ZNF560: variants seen among roughly 807,000 people sequenced by gnomAD.
ZNF560 encodes the protein zinc finger protein 560.
ZNF560 carries 54 observed loss-of-function variants against 81.8 expected under a neutral mutation model. The observed-to-expected ratio is 0.66, with a 90% CI of 0.53 to 0.83. ZNF560 has a LOEUF of 0.83. Among genes scored for constraint, ZNF560 ranks in the 40% least tolerant of loss-of-function variants. The pLI is 0.00. For missense variants in ZNF560, 940 were observed against 932.4 expected (o/e 1.01, Z -0.11); for synonymous variants, 321 against 317.9 (o/e 1.01, Z -0.10).
chr19:9,472,191 C>T (rs186547305), intron 5 of ZNF560, among the ~76,000 whole-genome samples: 18 of 151,950 alleles, frequency 1.2e-4, no homozygotes, highest in South Asian at 2.1e-4. Context: ...GGAAATGCAA[C>T]GCCAAATACT....
At chr19:9,477,909 A>G (rs575183744) in intron 2 of ZNF560, among the ~76,000 whole-genome samples, 1 of 152,348 alleles carries the variant, frequency 6.6e-6, no homozygotes, top group South Asian at 2.1e-4. Context: ...TTCAAGGGAC[A>G]TCATCAAAAG....
downstream of ZNF560, among the ~76,000 whole-genome samples, chr19:9,461,961 A>C (rs2072938882): frequency 2.0e-5 from 3 of 152,222 alleles, no homozygotes. Context: ...GCATAAAAAC[A>C]CTTGGAGGCT....
chr19:9,450,739 A>C, the ZNF560 span, among the ~76,000 whole-genome samples: 344 of 152,250 alleles, frequency 2.3e-3, no homozygotes, highest in African/African-American at 7.3e-3. Context: ...CATGTTGCCC[A>C]GGCTGGTCTT....
intron 2 of ZNF560, among the ~76,000 whole-genome samples, chr19:9,475,975 G>A (rs944364625): frequency 2.6e-5 from 4 of 152,146 alleles, no homozygotes; most frequent in Non-Finnish European, 4.4e-5. Context: ...TCACAAATGA[G>A]ATTATGCAGC....
chr19:9,501,518 C>A (rs1326465960), upstream of ZNF560, among the ~76,000 whole-genome samples: 1 of 151,766 alleles, frequency 6.6e-6, no homozygotes, highest in African/African-American at 2.4e-5. Flanking sequence ...ATCACCACAC[C>A]TGGCTAATTT....
chr19:9,452,282 G>A, the ZNF560 span, among the ~76,000 whole-genome samples: 1 of 152,190 alleles, frequency 6.6e-6, no homozygotes, highest in African/African-American at 2.4e-5. Context: ...CCAGGATGCA[G>A]AGAAAAGGGA....
At chr19:9,474,348 A>G (rs772350608) in intron 3 of ZNF560, 23 bp from the exon 4 acceptor site, 1 of 1,593,660 alleles carries the variant, frequency 6.3e-7, no homozygotes, top group African/African-American at 1.3e-5. Context: ...ATACATGTTG[A>G]TTTGAGCCAA....
At chr19:9,471,963 AG>A (rs1198825946) in intron 5 of ZNF560, among the ~76,000 whole-genome samples, 1 of 152,142 alleles carries the variant, frequency 6.6e-6, no homozygotes, top group Non-Finnish European at 1.5e-5. Flanking sequence ...ACAAAAAATT[AG>A]CCGGGCATGT....
At chr19:9,475,761 CA>C (rs1372578475) in intron 2 of ZNF560, among the ~76,000 whole-genome samples, 1 of 152,066 alleles carries the variant, frequency 6.6e-6, no homozygotes, top group Non-Finnish European at 1.5e-5. Flanking sequence ...CACCTGCCAC[CA>C]CGCCCGGCTA....
intron 4 of ZNF560, 104 bp from the exon 5 acceptor site, chr19:9,473,363 C>G: frequency 1.3e-6 from 1 of 783,798 alleles, no homozygotes; most frequent in South Asian, 1.7e-5. Context: ...GGTGGATTAC[C>G]TGAAGTCAGG....
chr19:9,447,282 C>T, the ZNF560 span, among the ~76,000 whole-genome samples: 1 of 152,052 alleles, frequency 6.6e-6, no homozygotes, highest in Non-Finnish European at 1.5e-5. Context: ...AGCCCCAACC[C>T]TCTCCAGATG....
Position 9,467,951 on chromosome 19 carries a change from GGAGT to G in ZNF560, c.992_995del (p.His331ProfsTer6), listed in dbSNP as rs778804197. ...TTTCAACATTTACAGCATGGCTTGT[GGAGT>G]GAGTAAATGCTTCCCCACATTGCTT... On this transcript the variant is annotated frameshift_variant, in exon 10 of 10. Transcript: ENST00000301480. LOFTEE classifies it high-confidence loss of function. 6.8e-6 allele frequency: 11 copies of G among 1,614,108 alleles called. No homozygotes were observed. Among genetic ancestry groups the G allele is most frequent in the South Asian group, 1.1e-5 (1 of 91,066 alleles).
chr19:9,476,315 CAG>C (rs1568457264), intron 2 of ZNF560, among the ~76,000 whole-genome samples: 1 of 151,844 alleles, frequency 6.6e-6, no homozygotes, highest in African/African-American at 2.4e-5. Flanking sequence ...GTTTTTGAAA[CAG>C]AGTCTTGCTC....
Position 9,473,244 on chromosome 19 carries a change from T to TTCAGCTCATG in ZNF560, c.172_173insCATGAGCTGA (p.Lys58ThrfsTer2). 1 of 1,610,724 alleles carries TTCAGCTCATG rather than the reference T, an allele frequency of 6.2e-7. No homozygotes were observed. Among genetic ancestry groups the TTCAGCTCATG allele is most frequent in the Non-Finnish European group, 8.5e-7 (1 of 1,178,644 alleles). The stretch of plus-strand genomic sequence containing the variant: ...TTCCAACCAAGAGATGACACTGGGT[T>TTCAGCTCATG]TAAAGAGCTGAAATCCTTTACATGA... On this transcript the variant is annotated stop_gained and frameshift_variant, in exon 5 of 10. Coordinates refer to ENST00000301480, the MANE Select transcript of ZNF560 (RefSeq NM_152476.3). LOFTEE classifies it high-confidence loss of function.
Position 9,473,239 on chromosome 19 carries a change from T to G in ZNF560, c.178A>C (p.Ser60Arg). The change falls in exon 5 of 10, where the codon AGT (serine) becomes CGT (arginine). Residue 60 changes from serine (S) to arginine (R), a missense_variant. Transcript: ENST00000301480. ...TCTTCTTCCAACCAAGAGATGACACTGGGTTTAAAGAGCTGAAATCCTTTA... is the reference window on the plus strand; with the variant it reads ...TCTTCTTCCAACCAAGAGATGACACGGGGTTTAAAGAGCTGAAATCCTTTA... ...AKVGFQLFKP[S>R]VISWLEEEEL... is the part of the protein sequence containing the mutation. The G allele has an allele frequency of 1.2e-6, 2 of 1,612,194 alleles. No homozygotes were observed. The highest frequency in any genetic ancestry group is 1.1e-5 in the South Asian group (1 of 90,814).
At chr19:9,478,581 G>C (rs1284314928) in intron 2 of ZNF560, among the ~76,000 whole-genome samples, 2 of 152,026 alleles carry the variant, frequency 1.3e-5, no homozygotes, top group Non-Finnish European at 2.9e-5. Context: ...GGAACAGTAA[G>C]AGCTAAAATA....
At chr19:9,503,263 T>C (rs556424781), upstream of ZNF560, among the ~76,000 whole-genome samples, 3 of 152,290 alleles carry the variant, frequency 2.0e-5, no homozygotes, top group Admixed American at 2.0e-4. Context: ...ACTCTCTTCA[T>C]TGCATCCTAT....
At chr19:9,461,055 G>C in the ZNF560 span, among the ~76,000 whole-genome samples, 2 of 150,890 alleles carry the variant, frequency 1.3e-5, no homozygotes, top group African/African-American at 5.0e-5. Flanking sequence ...AAATGATATG[G>C]CCCGCTGTAG....
At chr19:9,488,023 G>T (rs536301321) in intron 2 of ZNF560, among the ~76,000 whole-genome samples, 1 of 152,242 alleles carries the variant, frequency 6.6e-6, no homozygotes, top group African/African-American at 2.4e-5. Context: ...CACAGCACTG[G>T]AAGGAGGGGC....
Sources: allele counts gnomAD v4.1 joint callset (sites outside exome capture counted in the v4.1 genomes callset), GRCh38; gene constraint gnomAD v4.1.1; transcripts MANE v1.5; gene names NCBI Gene and HGNC (gene_info 2026-07-23, HGNC 2026-07-21).